The following SORBS2 variants were observed in gnomAD, a reference collection of about 807,000 sequenced individuals.
SORBS2 encodes the protein sorbin and SH3 domain-containing protein 2.
SORBS2 carries 46 observed loss-of-function variants against 97.7 expected under a neutral mutation model. That is an observed-to-expected ratio of 0.47 (90% CI 0.37 to 0.60). SORBS2 has a LOEUF of 0.60. Among genes scored for constraint, SORBS2 ranks in the 20% least tolerant of loss-of-function variants. SORBS2 has a pLI of 0.00. For synonymous variants in SORBS2, 476 were observed against 473.4 expected (o/e 1.01, Z -0.07); for missense variants, 1,316 against 1,282.3 (o/e 1.03, Z -0.40).
At chr4:185,941,324 G>A (rs544596230) in intron 1 of SORBS2, among the ~76,000 whole-genome samples, 7 of 152,164 alleles carry the variant, frequency 4.6e-5, no homozygotes, top group African/African-American at 1.7e-4. Context: ...TAGATGGTCT[G>A]GCTCTAAAGC....
chr4:185,790,966 G>A (rs1203853470), intron 1 of SORBS2, among the ~76,000 whole-genome samples: 2 of 152,116 alleles, frequency 1.3e-5, no homozygotes, highest in African/African-American at 4.8e-5. Flanking sequence ...TGAAAAATGT[G>A]AACATTGAGT....
chr4:185,752,820 G>A (rs991553761), intron 2 of SORBS2, among the ~76,000 whole-genome samples: 3 of 152,154 alleles, frequency 2.0e-5, no homozygotes, highest in African/African-American at 7.2e-5. Flanking sequence ...AATGAATTCT[G>A]ACCCATTTAG....
chr4:185,859,893 A>G (rs1439992802), intron 1 of SORBS2, among the ~76,000 whole-genome samples: 1 of 152,236 alleles, frequency 6.6e-6, no homozygotes, highest in Non-Finnish European at 1.5e-5. Context: ...TGAACAGGTA[A>G]AGAAGCAAAC....
intron 12 of SORBS2, among the ~76,000 whole-genome samples, chr4:185,599,433 A>T (rs72715951): frequency 0.012 from 1,779 of 152,338 alleles, 17 homozygotes; most frequent in Non-Finnish European, 0.019. Flanking sequence ...GTTCAATCAG[A>T]GCTGGCAAGA....
intron 12 of SORBS2, among the ~76,000 whole-genome samples, chr4:185,603,525 T>C (rs59722329): frequency 0.079 from 12,061 of 152,242 alleles, 1,552 homozygotes; most frequent in African/African-American, 0.27. Flanking sequence ...ATTGTATAAA[T>C]GGCACTTCCT....
At chr4:185,610,111 A>G (rs574815116) in intron 12 of SORBS2, among the ~76,000 whole-genome samples, 2 of 152,236 alleles carry the variant, frequency 1.3e-5, no homozygotes, top group African/African-American at 4.8e-5. Context: ...CACATCAAAG[A>G]TGAAAACATT....
At chr4:185,745,289 G>C (rs1221065804) in intron 2 of SORBS2, among the ~76,000 whole-genome samples, 2 of 152,144 alleles carry the variant, frequency 1.3e-5, no homozygotes, top group Non-Finnish European at 2.9e-5. Context: ...GCACCAACCT[G>C]AACATGGCCA....
At chr4:185,838,637 T>C (rs983566270) in intron 1 of SORBS2, among the ~76,000 whole-genome samples, 2 of 152,212 alleles carry the variant, frequency 1.3e-5, no homozygotes, top group Non-Finnish European at 2.9e-5. Context: ...TTGCATTTGC[T>C]TTGCCTTTTT....
Position 185,606,924 on chromosome 4 carries a change from GC to G in SORBS2, c.2796+4855del. On this transcript the variant is annotated intron_variant, in intron 12 of 14. Transcript: ENST00000418609. The surrounding 1 kb of genome is among the most constrained non-coding windows in gnomAD (Gnocchi z 4.3). ...CTGGTGCCTTTTTAGGGTCTGAGAA[GC>G]CCCTTCTCATTTTTCTCAACTCTGC... is the stretch of plus-strand genomic sequence containing the variant. 1.0e-6 allele frequency: 1 copy of G among 990,912 alleles called. No individual in the cohort carries two copies. The highest frequency in any genetic ancestry group is 1.2e-6 in the Non-Finnish European group (1 of 833,036). The allele number at this position is 990,912 out of a possible 1,614,324, so 61.4% of individuals were successfully genotyped here.
At chr4:185,731,381 A>C (rs2098623325) in intron 2 of SORBS2, among the ~76,000 whole-genome samples, 1 of 152,092 alleles carries the variant, frequency 6.6e-6, no homozygotes, top group African/African-American at 2.4e-5. Context: ...GCCTCTTGGA[A>C]TTTATTTTTT....
chr4:185,878,173 G>C (rs979573146), intron 1 of SORBS2, among the ~76,000 whole-genome samples: 1 of 152,120 alleles, frequency 6.6e-6, no homozygotes, highest in Non-Finnish European at 1.5e-5. Flanking sequence ...TCTAGCTAAA[G>C]AGAAACTGAG....
At chr4:185,877,872 A>AG (rs2099234487) in intron 1 of SORBS2, among the ~76,000 whole-genome samples, 1 of 121,662 alleles carries the variant, frequency 8.2e-6, no homozygotes, top group Non-Finnish European at 1.7e-5. Context: ...TCTGTCAAAA[A>AG]ACAAAAAAAA....
chr4:185,700,020 G>T lies in SORBS2; in HGVS notation c.-197-21198C>A, dbSNP rs182251686. Among the ~76,000 whole-genome samples the T allele has an allele frequency of 9.9e-5, 15 of 152,256 alleles. No individual in the cohort carries two copies. The East Asian group carries it at 2.7e-3, about 27-fold the overall frequency. On this transcript the variant is annotated intron_variant, in intron 2 of 20. Coordinates refer to the SORBS2 transcript ENST00000284776. The stretch of plus-strand genomic sequence containing the variant: ...TTTTATTTTAGGGAAAAACAAAGTG[G>T]TGTGTTTATTGATTCTGCAGAAGGC...
intron 2 of SORBS2, among the ~76,000 whole-genome samples, chr4:185,742,116 G>A (rs1029666480): frequency 6.6e-5 from 10 of 152,318 alleles, no homozygotes; most frequent in African/African-American, 2.4e-4. Flanking sequence ...TGATGAAGAC[G>A]ATAATCTCTA....
intron 4 of SORBS2, among the ~76,000 whole-genome samples, chr4:185,667,866 C>A (rs1483411014): frequency 6.6e-6 from 1 of 151,348 alleles, no homozygotes; most frequent in Non-Finnish European, 1.5e-5. Context: ...GGAGGTGAAA[C>A]TTTAATATTA....
chr4:185,761,160 A>T (rs1055759130), intron 2 of SORBS2, among the ~76,000 whole-genome samples: 4 of 152,226 alleles, frequency 2.6e-5, no homozygotes, highest in African/African-American at 9.7e-5. Flanking sequence ...ACACCTGAAC[A>T]TATGTTAAAA....
At chr4:185,588,606 C>T (rs1293361597) in intron 14 of SORBS2, among the ~76,000 whole-genome samples, 2 of 150,912 alleles carry the variant, frequency 1.3e-5, no homozygotes, top group African/African-American at 2.4e-5. Flanking sequence ...TCCTCCTCCT[C>T]CCTCCTCCTC....
At chr4:185,637,395 A>T (rs972581642) in intron 4 of SORBS2, among the ~76,000 whole-genome samples, 1 of 152,246 alleles carries the variant, frequency 6.6e-6, no homozygotes, top group Non-Finnish European at 1.5e-5. Context: ...GTACTCTGCG[A>T]TGTTTGCACA....
chr4:185,905,139 G>A (rs2099250059), intron 1 of SORBS2, among the ~76,000 whole-genome samples: 2 of 151,878 alleles, frequency 1.3e-5, no homozygotes, highest in Admixed American at 1.3e-4. Context: ...AAGAAACAGT[G>A]CCAGCCTACC....
Sources: allele counts gnomAD v4.1 joint callset (sites outside exome capture counted in the v4.1 genomes callset), GRCh38; gene constraint gnomAD v4.1.1; non-coding constraint Gnocchi (gnomAD v3.1); transcripts MANE v1.5; gene names NCBI Gene and HGNC (gene_info 2026-07-23, HGNC 2026-07-21).